The following NUGGC variants were observed in gnomAD, a reference collection of about 807,000 sequenced individuals.
NUGGC encodes nuclear GTPase, germinal center associated, also known as nuclear GTPase SLIP-GC.
Under a neutral mutation model 92.6 loss-of-function variants are expected in NUGGC, and 58 were observed. The observed-to-expected ratio is 0.63, with a 90% CI of 0.51 to 0.78. The LOEUF (loss-of-function observed/expected upper bound fraction) is 0.78, where lower values mean the gene tolerates loss of function less well. Among genes scored for constraint, NUGGC ranks in the 30% least tolerant of loss-of-function variants. The pLI, the probability that NUGGC is intolerant of heterozygous loss-of-function variation, is 0.00. For missense variants in NUGGC, 925 were observed against 964.6 expected, an observed-to-expected ratio of 0.96 and a Z score of 0.54; for synonymous variants, 376 against 366.4, an observed-to-expected ratio of 1.03 and a Z score of -0.30.
intron 10 of NUGGC, among the ~76,000 whole-genome samples, chr8:28,050,229 T>C (rs1809957598): frequency 6.7e-6 from 1 of 150,040 alleles, no homozygotes; most frequent in Non-Finnish European, 1.5e-5. Context: ...CTACTAAAAA[T>C]ACAAAATTAG....
intron 13 of NUGGC, among the ~76,000 whole-genome samples, chr8:28,039,125 T>C (rs1809629137): frequency 6.6e-6 from 1 of 152,158 alleles, no homozygotes. Context: ...CACCCCAACT[T>C]ATCTCCTCCT....
At chr8:28,041,837 T>C (rs1809707398) in intron 12 of NUGGC, among the ~76,000 whole-genome samples, 2 of 152,266 alleles carry the variant, frequency 1.3e-5, no homozygotes, top group South Asian at 2.1e-4. Flanking sequence ...AGAAAACATA[T>C]ATTCAAATAA....
chr8:28,062,452 CAAAAAAA>C (rs34648549), intron 7 of NUGGC, among the ~76,000 whole-genome samples: 1 of 132,180 alleles, frequency 7.6e-6, no homozygotes, highest in Non-Finnish European at 1.7e-5. Context: ...CTCATCTCTA[CAAAAAAA>C]AAAAAAAATT....
chr8:28,031,714 A>G (rs946696406), intron 14 of NUGGC, among the ~76,000 whole-genome samples: 60 of 152,216 alleles, frequency 3.9e-4, no homozygotes, highest in African/African-American at 1.4e-3. Flanking sequence ...TCCACTGCCA[A>G]TGTGTGTCCA....
chr8:28,061,353 A>G (rs554402102), intron 7 of NUGGC, among the ~76,000 whole-genome samples: 2 of 152,354 alleles, frequency 1.3e-5, no homozygotes, highest in East Asian at 3.9e-4. Context: ...TCACATGACG[A>G]TCATGTGTAG....
intron 9 of NUGGC, among the ~76,000 whole-genome samples, chr8:28,056,987 C>G (rs981352901): frequency 2.0e-5 from 3 of 152,186 alleles, no homozygotes; most frequent in Non-Finnish European, 4.4e-5. Flanking sequence ...TCCATGTGAA[C>G]AACTGCTCCA....
At chr8:28,067,918 G>T (rs547873689) in intron 5 of NUGGC, among the ~76,000 whole-genome samples, 174 bp from the exon 6 acceptor site, 1 of 152,354 alleles carries the variant, frequency 6.6e-6, no homozygotes, top group South Asian at 2.1e-4. Flanking sequence ...TCATAAAAAT[G>T]CAAGGACCAG....
rs1208097176 is a variant in NUGGC, at chr8:28,067,709, G to C, written c.516C>G (p.Leu172=). The stretch of plus-strand genomic sequence containing the variant: ...TGCTCAGCTCCTCCGTCCTATGCAG[G>C]AGTTTGGTCAGGTTCTTCAGCTCCT... ...WREELKNLTK[L]LHRTEELSRE... The change falls in exon 6 of 19, where the codon CTC becomes CTG. Residue 172 remains leucine, a synonymous_variant. Transcript: ENST00000413272. 10 of 1,613,904 alleles carry C rather than the reference G, an allele frequency of 6.2e-6. No homozygotes were observed. The highest frequency in any genetic ancestry group is 8.5e-6 in the Non-Finnish European group (10 of 1,179,822).
Position 28,067,724 on chromosome 8 carries a change from C to G in NUGGC, c.501G>C (p.Lys167Asn). The part of the protein sequence containing the change: ...LSDQEWREEL[K>N]NLTKLLHRTE... ...TCCTATGCAGGAGTTTGGTCAGGTT[C>G]TTCAGCTCCTCCCTCCACTCCTGCC... Residue 167 changes from lysine to asparagine, a missense_variant, in exon 6 of 19, where the codon AAG becomes AAC. Lys to Asn is a moderately conservative substitution (Grantham distance 94). Transcript: ENST00000413272. 1 of 1,613,418 alleles carries G rather than the reference C, an allele frequency of 6.2e-7. No individual in the cohort carries two copies. Among genetic ancestry groups the G allele is most frequent in the Middle Eastern group, 1.7e-4 (1 of 6,038 alleles).
chr8:28,058,836 G>A (rs942433459), intron 8 of NUGGC, among the ~76,000 whole-genome samples: 5 of 152,002 alleles, frequency 3.3e-5, no homozygotes, highest in Non-Finnish European at 5.9e-5. Context: ...CTGAGTAGCT[G>A]GGACTACAGG....
At chr8:28,075,865 T>C (rs1325969244) in intron 1 of NUGGC, among the ~76,000 whole-genome samples, 2 of 152,200 alleles carry the variant, frequency 1.3e-5, no homozygotes, top group Non-Finnish European at 2.9e-5. Flanking sequence ...TCCTCCCCTC[T>C]GCAGCCCATT....
intron 12 of NUGGC, among the ~76,000 whole-genome samples, chr8:28,045,259 C>T (rs533652220): frequency 5.9e-5 from 9 of 152,264 alleles, no homozygotes; most frequent in African/African-American, 1.2e-4. Flanking sequence ...CCACCTTGTT[C>T]GAGTCTCAGG....
chr8:28,069,726 T>G lies in NUGGC; in HGVS notation c.149-74A>C, dbSNP rs114825719. On this transcript the variant is annotated intron_variant, in intron 3 of 18. Coordinates refer to ENST00000413272, the MANE Select transcript of NUGGC (RefSeq NM_001010906.2). ...GTACTAGGTCTCCAAAGGAGGTGTC[T>G]GTTGAACATCGCAGAGAAGGGAAAA... The G allele has an allele frequency of 4.7e-3, 3,954 of 841,442 alleles. 96 individuals carry two copies. The African/African-American group carries it at 0.051, about 11-fold the overall frequency. 52.1% of individuals were successfully genotyped at this position (841,442 alleles called of 1,614,324 possible).
intron 3 of NUGGC, 72 bp downstream of exon 3, chr8:28,070,180 C>G: frequency 6.7e-7 from 1 of 1,486,400 alleles, no homozygotes; most frequent in Non-Finnish European, 9.0e-7. Flanking sequence ...TTAACCTCCT[C>G]TTCCTTTGAC....
At chr8:28,040,715 C>G (rs549534315) in intron 13 of NUGGC, among the ~76,000 whole-genome samples, 10 of 151,552 alleles carry the variant, frequency 6.6e-5, no homozygotes, top group African/African-American at 2.4e-4. Flanking sequence ...AGTGCAGTCT[C>G]GGCTCACTGC....
At chr8:28,072,469 T>A (rs1810614198) in intron 2 of NUGGC, among the ~76,000 whole-genome samples, 1 of 152,072 alleles carries the variant, frequency 6.6e-6, no homozygotes, top group Admixed American at 6.5e-5. Context: ...ATGTAGACTT[T>A]GTAACTCAGG....
intron 10 of NUGGC, among the ~76,000 whole-genome samples, chr8:28,048,860 C>CAA (rs60050826): frequency 1.2e-4 from 13 of 109,380 alleles, no homozygotes; most frequent in South Asian, 5.8e-4. Flanking sequence ...GATTCCATCT[C>CAA]AAAAAAAAAA....
chr8:28,068,913 A>G (rs1448024847), intron 4 of NUGGC, among the ~76,000 whole-genome samples: 1 of 151,820 alleles, frequency 6.6e-6, no homozygotes, highest in Non-Finnish European at 1.5e-5. Context: ...ATTTTTTTGT[A>G]TTTTGTATAG....
chr8:28,025,721 T>C (rs1199574481), intron 18 of NUGGC, among the ~76,000 whole-genome samples: 2 of 152,116 alleles, frequency 1.3e-5, no homozygotes, highest in Admixed American at 6.5e-5. Flanking sequence ...GCAGAACGGA[T>C]TGTTAGAAGC....
Sources: allele counts gnomAD v4.1 joint callset (sites outside exome capture counted in the v4.1 genomes callset), GRCh38; gene constraint gnomAD v4.1.1; transcripts MANE v1.5; gene names NCBI Gene and HGNC (gene_info 2026-07-23, HGNC 2026-07-21).